The following FAM110B variants were observed in gnomAD, a reference collection of about 807,000 sequenced individuals.
The protein encoded by FAM110B is protein FAM110B.
Under a neutral mutation model 20.4 loss-of-function variants are expected in FAM110B, and 6 were observed. That is an observed-to-expected ratio of 0.29 (90% CI 0.16 to 0.58). The LOEUF is 0.58. Among genes scored for constraint, FAM110B ranks in the 20% least tolerant of loss-of-function variants. The pLI, the probability that FAM110B is intolerant of heterozygous loss-of-function variation, is 0.90. For synonymous variants in FAM110B, 226 were observed against 214.1 expected (o/e 1.06, Z -0.49); for missense variants, 434 against 498.2 (o/e 0.87, Z 1.23).
chr8:58,075,274 T>TG lies in FAM110B; in HGVS notation c.-413-261_-413-260insG, dbSNP rs58913692. Reference sequence around the variant, plus strand: ...GAACTAATTTTTGCTTTTTTTTTTTTTTGTGTGTGTGTGTGTGTGTGTTTT... The same window carrying TG: ...GAACTAATTTTTGCTTTTTTTTTTTTGTTGTGTGTGTGTGTGTGTGTGTTTT... On this transcript the variant is annotated intron_variant, in intron 2 of 3. Coordinates refer to ENST00000519262, the MANE Select transcript of FAM110B (RefSeq NM_001377989.1). Among the ~76,000 whole-genome samples the TG allele has an allele frequency of 9.2e-3, 1,320 of 143,800 alleles. 16 individuals are homozygous for TG. Among genetic ancestry groups the TG allele is most frequent in the African/African-American group, 0.035 (1,221 of 34,438 alleles). 94.3% of individuals were successfully genotyped at this position (143,800 alleles called of 152,430 possible).
At chr8:58,118,013 G>A (rs1807259832) in intron 3 of FAM110B, among the ~76,000 whole-genome samples, 1 of 152,112 alleles carries the variant, frequency 6.6e-6, no homozygotes, top group African/African-American at 2.4e-5. Flanking sequence ...GAAAATATCG[G>A]AAAGATTCTA....
At chr8:58,016,520 A>G (rs1804639828) in intron 1 of FAM110B, among the ~76,000 whole-genome samples, 1 of 152,222 alleles carries the variant, frequency 6.6e-6, no homozygotes, top group Admixed American at 6.5e-5. Context: ...CGGGGAGCTC[A>G]GTTCCTCCCC....
rs771339526 is a variant in FAM110B, at chr8:58,146,629, G to A, written c.399G>A (p.Ser133=). The part of the protein sequence containing the change: ...NIINSSEGSS[S]GSGHKHSSRN... ...TCAATAGCTCCGAGGGCTCTAGCTC[G>A]GGCTCGGGGCACAAGCACAGCTCCC... The change falls in exon 4 of 4, where the codon TCG becomes TCA. Residue 133 remains serine, a synonymous_variant. Transcript: ENST00000519262. The A allele has an allele frequency of 4.3e-6, 7 of 1,613,656 alleles. No homozygotes were observed. The Admixed American group carries it at 1.0e-4, about 23-fold the overall frequency.
At chr8:58,130,609 AT>A (rs1198475425) in intron 3 of FAM110B, among the ~76,000 whole-genome samples, 1 of 152,226 alleles carries the variant, frequency 6.6e-6, no homozygotes, top group African/African-American at 2.4e-5. Context: ...AAAACAGGGA[AT>A]TGTGTCTCTT....
At chr8:58,143,578 T>C (rs1181823874) in intron 3 of FAM110B, among the ~76,000 whole-genome samples, 2 of 152,180 alleles carry the variant, frequency 1.3e-5, no homozygotes, top group African/African-American at 4.8e-5. Flanking sequence ...GTCTTGAGGG[T>C]GTCTGCCACA....
intron 1 of FAM110B, among the ~76,000 whole-genome samples, chr8:58,029,615 A>G (rs1327388134): frequency 1.3e-5 from 2 of 152,204 alleles, no homozygotes; most frequent in Non-Finnish European, 2.9e-5. Context: ...AAGATCCGCT[A>G]TGATCTAATA....
intron 3 of FAM110B, among the ~76,000 whole-genome samples, chr8:58,142,278 T>C (rs1803759189): frequency 6.6e-6 from 1 of 152,194 alleles, no homozygotes; most frequent in Admixed American, 6.5e-5. Context: ...TTCCTGTTGC[T>C]ACTCAAAGGC....
chr8:58,036,029 A>G (rs1465442925), intron 2 of FAM110B, among the ~76,000 whole-genome samples: 5 of 152,158 alleles, frequency 3.3e-5, no homozygotes, highest in African/African-American at 7.2e-5. Context: ...ATGTGAAGCA[A>G]TAATGCTACT....
intron 3 of FAM110B, among the ~76,000 whole-genome samples, chr8:58,088,360 G>C (rs1713217687): frequency 6.6e-6 from 1 of 152,050 alleles, no homozygotes; most frequent in Admixed American, 6.6e-5. Flanking sequence ...AGTTCCAAAT[G>C]ACGCTTCAAG....
chr8:58,135,689 T>C (rs1236925224), intron 3 of FAM110B, among the ~76,000 whole-genome samples: 1 of 152,156 alleles, frequency 6.6e-6, no homozygotes, highest in Non-Finnish European at 1.5e-5. Flanking sequence ...GTGCGGACCC[T>C]TAAAATGGAC....
At chr8:58,112,632 C>G (rs1445374064) in intron 3 of FAM110B, among the ~76,000 whole-genome samples, 5 of 152,238 alleles carry the variant, frequency 3.3e-5, no homozygotes, top group African/African-American at 7.2e-5. Flanking sequence ...GTTTGTCACC[C>G]CACTTTGTTG....
intron 1 of FAM110B, among the ~76,000 whole-genome samples, chr8:57,999,982 T>C (rs1172964488): frequency 1.3e-5 from 2 of 152,168 alleles, no homozygotes; most frequent in Non-Finnish European, 2.9e-5. Context: ...TTCATCAAAC[T>C]TCACCGAAGG....
chr8:58,089,885 A>G (rs1246378378), intron 3 of FAM110B, among the ~76,000 whole-genome samples: 1 of 152,208 alleles, frequency 6.6e-6, no homozygotes, highest in African/African-American at 2.4e-5. Flanking sequence ...TCCTTTATAC[A>G]CATGCAGTAT....
intron 2 of FAM110B, among the ~76,000 whole-genome samples, chr8:58,045,761 A>T (rs1805308212): frequency 1.3e-5 from 2 of 152,336 alleles, no homozygotes; most frequent in Middle Eastern, 6.8e-3. Flanking sequence ...TTAAGATCCT[A>T]ATACCAGAAG....
chr8:58,077,382 T>C (rs1223376505), intron 3 of FAM110B, among the ~76,000 whole-genome samples: 2 of 152,196 alleles, frequency 1.3e-5, no homozygotes, highest in African/African-American at 4.8e-5. Context: ...TTGCTCCCTC[T>C]TGTGATCCCA....
Position 58,019,365 on chromosome 8 carries a change from AG to A in FAM110B, c.-511-12240del, listed in dbSNP as rs1563498711. On this transcript the variant is annotated intron_variant, in intron 1 of 3. Transcript: ENST00000519262. Reference sequence around the variant, plus strand: ...AAAAAAAAAAAAAAAAAAAAAGGAAAGAAAGAAAGAAAGAAAAGAAAAGAAA... The same window carrying A: ...AAAAAAAAAAAAAAAAAAAAAGGAAAAAAGAAAGAAAGAAAAGAAAAGAAA... 2.1e-4 allele frequency among the ~76,000 whole-genome samples: 22 copies of A among 107,156 alleles called. 1 individual carries two copies. The highest frequency in any genetic ancestry group is 9.4e-4 in the African/African-American group (19 of 20,146). 70.3% of individuals were successfully genotyped at this position (107,156 alleles called of 152,430 possible).
chr8:58,127,740 T>C (rs565081778), intron 3 of FAM110B, among the ~76,000 whole-genome samples: 1 of 152,034 alleles, frequency 6.6e-6, no homozygotes, highest in East Asian at 1.9e-4. Flanking sequence ...TAAAAATAAA[T>C]CTAATAAAAC....
At chr8:58,112,553 G>T (rs781279935) in intron 3 of FAM110B, among the ~76,000 whole-genome samples, 1 of 152,206 alleles carries the variant, frequency 6.6e-6, no homozygotes, top group Non-Finnish European at 1.5e-5. Context: ...CCTGGGTGAT[G>T]ATTTGACTTT....
At chr8:58,087,310 C>G (rs1020712061) in intron 3 of FAM110B, among the ~76,000 whole-genome samples, 1 of 152,204 alleles carries the variant, frequency 6.6e-6, no homozygotes. Context: ...CTGTCTGTGA[C>G]TTAGATCGGT....
Sources: gnomAD v4.1 joint callset for allele counts (sites outside exome capture counted in the v4.1 genomes callset) on GRCh38, gnomAD v4.1.1 for gene constraint, MANE v1.5 for transcripts, NCBI Gene and HGNC (gene_info 2026-07-23, HGNC 2026-07-21) for gene names.